Variants in MPPED2 observed in about 807,000 individuals in gnomAD.
MPPED2 encodes metallophosphoesterase MPPED2.
In MPPED2, 5 loss-of-function variants were observed where a neutral mutation model predicts 33.0. The ratio of observed to expected loss-of-function variants is 0.15; its 90% CI spans 0.08 to 0.32. The LOEUF is 0.32. Ranked by LOEUF, MPPED2 falls within the 10% of genes least tolerant of loss-of-function variation. The pLI, the probability that MPPED2 is intolerant of heterozygous loss-of-function variation, is 1.00. For synonymous variants in MPPED2, 136 were observed against 141.9 expected (o/e 0.96, Z 0.29); for missense variants, 275 against 372.1 (o/e 0.74, Z 2.15).
chr11:30,417,497 G>A (rs371041959), intron 5 of MPPED2, 21 bp downstream of exon 5: 2 of 1,435,930 alleles, frequency 1.4e-6, no homozygotes, highest in Non-Finnish European at 2.0e-6. Flanking sequence ...GATGACAAAG[G>A]ACAACCTTTG....
intron 6 of MPPED2, among the ~76,000 whole-genome samples, chr11:30,412,837 A>T (rs1268742483): frequency 6.6e-6 from 1 of 152,192 alleles, no homozygotes; most frequent in African/African-American, 2.4e-5. Context: ...TTTAAAGGTA[A>T]TTAATGATTT....
intron 4 of MPPED2, among the ~76,000 whole-genome samples, chr11:30,443,914 A>G (rs990504572): frequency 1.3e-5 from 2 of 152,206 alleles, no homozygotes; most frequent in African/African-American, 4.8e-5. Context: ...ATTGCCCTCA[A>G]TCCACATTTG....
At position 30,586,346 on chromosome 11, in the gene MPPED2, G is replaced by A. The variant is rs929620249; in HGVS notation, c.-426C>T. 6.5e-6 allele frequency: 1 copy of A among 153,358 alleles called. No individual in the cohort carries two copies. 9.5% of individuals were successfully genotyped at this position (153,358 alleles called of 1,614,324 possible). A position where few individuals can be genotyped will look rare whatever the true frequency, so the allele number is the denominator to read the frequency against. ...GCGGCGAGCCGGAGGGAGAGCGAGC[G>A]GTGCAGTGACAGGGACTGCCACTGG... On this transcript the variant is annotated 5_prime_UTR_variant, in exon 1 of 7. Transcript: ENST00000358117. The surrounding 1 kb of genome is among the most constrained non-coding windows in gnomAD (Gnocchi z 4.8).
rs1212285042 is a variant in MPPED2, at chr11:30,561,258, T to C, written c.128+18988A>G. On this transcript the variant is annotated intron_variant, in intron 2 of 6. Transcript: ENST00000358117. Reference sequence around the variant, plus strand: ...TGGACTCTGCACAATGTGTATTTTATGAACTTCTCTGCCTACTAAGTTGGG... The same window carrying C: ...TGGACTCTGCACAATGTGTATTTTACGAACTTCTCTGCCTACTAAGTTGGG... Among the ~76,000 whole-genome samples, 3 of 152,196 alleles carry C rather than the reference T, an allele frequency of 2.0e-5. No homozygotes were observed. The East Asian group carries it at 5.8e-4, about 29-fold the overall frequency.
chr11:30,511,267 A>G (rs1953171284), intron 3 of MPPED2, among the ~76,000 whole-genome samples: 1 of 152,200 alleles, frequency 6.6e-6, no homozygotes. Flanking sequence ...GACTGGCAGT[A>G]TGATGGGGCT....
At chr11:30,514,978 C>T (rs10160289) in intron 3 of MPPED2, among the ~76,000 whole-genome samples, 2,710 of 152,210 alleles carry the variant, frequency 0.018, 79 homozygotes, top group African/African-American at 0.062. Context: ...ACCTGTAACC[C>T]CAGCTACTCA....
intron 3 of MPPED2, among the ~76,000 whole-genome samples, chr11:30,529,768 A>G (rs1366144047): frequency 6.6e-6 from 1 of 152,220 alleles, no homozygotes; most frequent in Non-Finnish European, 1.5e-5. Context: ...GAAAGGGAAT[A>G]TAGTCTTCTG....
chr11:30,556,332 C>T (rs1955961230), intron 2 of MPPED2, among the ~76,000 whole-genome samples: 1 of 152,126 alleles, frequency 6.6e-6, no homozygotes, highest in Non-Finnish European at 1.5e-5. Flanking sequence ...AACCTCCAAA[C>T]AATGAATTCC....
chr11:30,581,255 G>A (rs534542932), intron 1 of MPPED2, among the ~76,000 whole-genome samples: 38 of 152,200 alleles, frequency 2.5e-4, no homozygotes, highest in Non-Finnish European at 3.7e-4. Flanking sequence ...AAAGAAGGGC[G>A]GCCATTACAT....
At chr11:30,419,186 G>A (rs1242303116) in intron 4 of MPPED2, among the ~76,000 whole-genome samples, 1 of 152,150 alleles carries the variant, frequency 6.6e-6, no homozygotes, top group Non-Finnish European at 1.5e-5. Flanking sequence ...ACTCATTTAA[G>A]CCTCGCAGCA....
chr11:30,574,527 C>T (rs914420123), intron 2 of MPPED2, among the ~76,000 whole-genome samples: 4 of 152,196 alleles, frequency 2.6e-5, no homozygotes, highest in African/African-American at 9.7e-5. Context: ...TTAAAAATTT[C>T]CAATCAGTTA....
intron 4 of MPPED2, among the ~76,000 whole-genome samples, chr11:30,433,795 A>T (rs756581242): frequency 6.6e-6 from 1 of 152,156 alleles, no homozygotes; most frequent in Non-Finnish European, 1.5e-5. Context: ...ACTCTATCCT[A>T]GTATATTGGT....
At chr11:30,497,395 C>T (rs1199443741) in intron 3 of MPPED2, among the ~76,000 whole-genome samples, 5 of 152,138 alleles carry the variant, frequency 3.3e-5, no homozygotes, top group African/African-American at 1.2e-4. Context: ...ACCTGTGCTC[C>T]CAAAGCCGGA....
intron 4 of MPPED2, among the ~76,000 whole-genome samples, chr11:30,431,423 G>C (rs927919188): frequency 6.6e-6 from 1 of 152,198 alleles, no homozygotes; most frequent in African/African-American, 2.4e-5. Context: ...CTGTAAGATG[G>C]AGATAATTAT....
At chr11:30,578,901 T>A (rs1317423913) in intron 2 of MPPED2, among the ~76,000 whole-genome samples, 1 of 152,186 alleles carries the variant, frequency 6.6e-6, no homozygotes, top group African/African-American at 2.4e-5. Flanking sequence ...CTTAAAATCA[T>A]GTTAGCGATC....
intron 2 of MPPED2, among the ~76,000 whole-genome samples, chr11:30,563,942 G>A (rs1185558814): frequency 1.3e-5 from 2 of 152,178 alleles, no homozygotes; most frequent in Non-Finnish European, 2.9e-5. Context: ...TAAGTCATGA[G>A]ACACTGTGTA....
chr11:30,535,851 T>C (rs1385065346), intron 3 of MPPED2, 143 bp downstream of exon 3: 2 of 577,696 alleles, frequency 3.5e-6, no homozygotes, highest in Non-Finnish European at 5.7e-6. Context: ...ATTAACAGAA[T>C]TGGATTAAAG....
At chr11:30,469,033 A>T (rs1393529197) in intron 4 of MPPED2, 1 of 152,190 alleles carries the variant, frequency 6.6e-6, no homozygotes. Context: ...GATATTTTTG[A>T]TCCTTACTCA....
chr11:30,541,124 A>G (rs1317765632), intron 2 of MPPED2, among the ~76,000 whole-genome samples: 2 of 152,202 alleles, frequency 1.3e-5, no homozygotes, highest in African/African-American at 4.8e-5. Context: ...ATCATCTTAA[A>G]CCATTTTCCA....
Sources: allele counts gnomAD v4.1 joint callset (sites outside exome capture counted in the v4.1 genomes callset), GRCh38; gene constraint gnomAD v4.1.1; non-coding constraint Gnocchi (gnomAD v3.1); transcripts MANE v1.5; gene names NCBI Gene and HGNC (gene_info 2026-07-23, HGNC 2026-07-21).